The following TRIP12 variants were observed in gnomAD, a reference collection of about 807,000 sequenced individuals.
TRIP12 encodes the protein E3 ubiquitin-protein ligase TRIP12.
In TRIP12, 25 loss-of-function variants were observed where a neutral mutation model predicts 244.2. The observed-to-expected ratio is 0.10, with a 90% CI of 0.07 to 0.14. TRIP12 has a LOEUF of 0.14. TRIP12 is among the 10% of genes least tolerant of loss of function. TRIP12 has a pLI of 1.00. For missense variants in TRIP12, 1,677 were observed against 2,486.4 expected, an observed-to-expected ratio of 0.67 and a Z score of 6.92; for synonymous variants, 905 against 873.1, an observed-to-expected ratio of 1.04 and a Z score of -0.64.
chr2:229,919,000 G>C (rs1209129331), intron 1 of TRIP12, among the ~76,000 whole-genome samples: 1 of 152,152 alleles, frequency 6.6e-6, no homozygotes, highest in Non-Finnish European at 1.5e-5. Context: ...AGGTCACAAA[G>C]CTACTAACTG....
intron 7 of TRIP12, among the ~76,000 whole-genome samples, chr2:229,829,874 G>A (rs1018323895): frequency 6.6e-6 from 1 of 152,126 alleles, no homozygotes; most frequent in Non-Finnish European, 1.5e-5. Flanking sequence ...ATTTGAACAC[G>A]GGAGGTGGAG....
At chr2:229,811,371 A>G (rs1198409573) in intron 13 of TRIP12, among the ~76,000 whole-genome samples, 167 bp from the exon 14 acceptor site, 1 of 152,062 alleles carries the variant, frequency 6.6e-6, no homozygotes, top group Non-Finnish European at 1.5e-5. Flanking sequence ...AGTCAGTAAC[A>G]TCACAATTTC....
Position 229,778,658 on chromosome 2 carries a change from A to T in TRIP12, c.5210-71T>A. 6.4e-7 allele frequency: 1 copy of T among 1,560,956 alleles called. No homozygotes were observed. Among genetic ancestry groups the T allele is most frequent in the Non-Finnish European group, 8.7e-7 (1 of 1,154,750 alleles). ...ACAAAACAAAACCTGGTAACTAAGA[A>T]CATTTAAGAAATTAAGCATTCTCAA... is the stretch of plus-strand genomic sequence containing the variant. On this transcript the variant is annotated intron_variant, in intron 35 of 41. Coordinates refer to ENST00000675903, the MANE Select transcript of TRIP12 (RefSeq NM_001348323.3). The surrounding 1 kb of genome is among the most constrained non-coding windows in gnomAD (Gnocchi z 4.1).
chr2:229,804,190 T>C lies in TRIP12; in HGVS notation c.2688A>G (p.Ala896=). The C allele has an allele frequency of 6.2e-7, 1 of 1,613,982 alleles. No homozygotes were observed. Among genetic ancestry groups the C allele is most frequent in the Non-Finnish European group, 8.5e-7 (1 of 1,179,948 alleles). ...GTTCCGGATCCTCTTTCATAAGCTG[T>C]GCTCGAGCATCATCCTTCTTTGACT... ...YSESKKDDAR[A]QLMKEDPELA... is the part of the protein sequence containing the mutation. The change falls in exon 19 of 42, where the codon GCA becomes GCG. Residue 896 remains alanine, a synonymous_variant. Coordinates refer to ENST00000675903, the MANE Select transcript of TRIP12 (RefSeq NM_001348323.3).
intron 13 of TRIP12, among the ~76,000 whole-genome samples, chr2:229,811,867 G>C (rs1318873457): frequency 1.3e-5 from 2 of 152,084 alleles, no homozygotes; most frequent in South Asian, 4.1e-4. Context: ...AATTAGACTT[G>C]TTTCTACAAA....
Position 229,792,180 on chromosome 2 carries a change from T to C in TRIP12, c.4188A>G (p.Gly1396=). The change falls in exon 28 of 42, where the codon GGA becomes GGG. Residue 1396 remains glycine, a synonymous_variant. Coordinates refer to ENST00000675903, the MANE Select transcript of TRIP12 (RefSeq NM_001348323.3). ...GAGACTCATCTATTTCCTCATCTGA[T>C]CCATCGTCATCGCTGTCTTCATCAT... ...REDDEDSDDD[G]SDEEIDESLA... The C allele has an allele frequency of 6.2e-7, 1 of 1,614,044 alleles. No individual in the cohort carries two copies. The highest frequency in any genetic ancestry group is 8.5e-7 in the Non-Finnish European group (1 of 1,179,948).
At chr2:229,842,832 C>CT (rs1239003734) in intron 4 of TRIP12, among the ~76,000 whole-genome samples, 3 of 152,114 alleles carry the variant, frequency 2.0e-5, no homozygotes, top group African/African-American at 7.2e-5. Flanking sequence ...TTATTTTACT[C>CT]TTTCACTATT....
Position 229,778,496 on chromosome 2 carries a change from C to T in TRIP12, c.5301G>A (p.Lys1767=). The stretch of plus-strand genomic sequence containing the variant: ...CTAAGAAGCGAAACTTCATCTTAAC[C>T]TTTGCGATATGAGCTGGCTTTGCTG... ...GRTAKPAHIA[K]VKMKFRFLGK... The change falls in exon 36 of 42, where the codon AAG becomes AAA. Residue 1767 remains lysine (K), a synonymous_variant. Transcript: ENST00000675903. The surrounding 1 kb of genome is among the most constrained non-coding windows in gnomAD (Gnocchi z 4.1). 1 of 1,614,030 alleles carries T rather than the reference C, an allele frequency of 6.2e-7. No homozygotes were observed.
chr2:229,821,257 C>T (rs970780746), intron 8 of TRIP12, among the ~76,000 whole-genome samples: 2 of 152,172 alleles, frequency 1.3e-5, no homozygotes, highest in African/African-American at 4.8e-5. Context: ...ACAGCTTTTG[C>T]ACCATCAGTT....
chr2:229,907,155 C>A (rs1247057075), intron 1 of TRIP12, among the ~76,000 whole-genome samples: 1 of 152,104 alleles, frequency 6.6e-6, no homozygotes, highest in Non-Finnish European at 1.5e-5. Flanking sequence ...TACATTGCCA[C>A]CAACTGTGAA....
At chr2:229,842,501 G>A (rs1472927030) in intron 4 of TRIP12, among the ~76,000 whole-genome samples, 2 of 152,086 alleles carry the variant, frequency 1.3e-5, no homozygotes, top group Non-Finnish European at 2.9e-5. Context: ...TATTGGATTT[G>A]TGTGACTAAG....
At chr2:229,888,284 T>C (rs1028966694) in intron 1 of TRIP12, among the ~76,000 whole-genome samples, 11 of 152,142 alleles carry the variant, frequency 7.2e-5, no homozygotes, top group African/African-American at 2.4e-4. Flanking sequence ...TTGAGAATTA[T>C]GTAGGCAACT....
At chr2:229,905,879 G>C (rs1383651804) in intron 1 of TRIP12, among the ~76,000 whole-genome samples, 1 of 152,158 alleles carries the variant, frequency 6.6e-6, no homozygotes, top group Non-Finnish European at 1.5e-5. Context: ...GCCAATGAGG[G>C]CCTTAAGGCT....
rs2031102968 is a variant in TRIP12, at chr2:229,764,063, A to G, written c.*3491T>C. The G allele has an allele frequency of 6.6e-6, 1 of 152,256 alleles. No homozygotes were observed. The highest frequency in any genetic ancestry group is 2.1e-4 in the South Asian group (1 of 4,834). 9.4% of individuals were successfully genotyped at this position (152,256 alleles called of 1,614,324 possible). On this transcript the variant is annotated 3_prime_UTR_variant, in exon 42 of 42. Coordinates refer to ENST00000675903, the MANE Select transcript of TRIP12 (RefSeq NM_001348323.3). ...TAAAAATAAAACCACCTCTTCCATT[A>G]TTAAAGAATGTCTCCTTCATGCAGA... is the stretch of plus-strand genomic sequence containing the variant.
chr2:229,847,821 T>C (rs1021082938), intron 4 of TRIP12, among the ~76,000 whole-genome samples: 2 of 152,098 alleles, frequency 1.3e-5, no homozygotes, highest in African/African-American at 4.8e-5. Flanking sequence ...CCTCTCCTGG[T>C]TCCAGCAAAA....
chr2:229,777,211 TA>T, intron 37 of TRIP12, 103 bp downstream of exon 37: 4 of 1,294,056 alleles, frequency 3.1e-6, no homozygotes, highest in Non-Finnish European at 4.2e-6. Flanking sequence ...TCTTCTAAAA[TA>T]AAACATTAAT....
chr2:229,906,471 CAGCACTTTA>C, intron 1 of TRIP12, among the ~76,000 whole-genome samples: 1 of 151,106 alleles, frequency 6.6e-6, no homozygotes, highest in African/African-American at 2.4e-5. Flanking sequence ...ACTGTAATCC[CAGCACTTTA>C]AGAGGCCGAG....
chr2:229,869,960 C>T (rs2062242280), intron 2 of TRIP12, among the ~76,000 whole-genome samples: 1 of 152,170 alleles, frequency 6.6e-6, no homozygotes, highest in Admixed American at 6.5e-5. Context: ...CCATCTTTGT[C>T]ACCAGAAAGA....
upstream of TRIP12, chr2:229,922,122 G>A (rs948051784): frequency 5.6e-5 from 10 of 178,130 alleles, no homozygotes; most frequent in Non-Finnish European, 8.4e-5. Flanking sequence ...CGCGGGACCG[G>A]CACCGCTGCC....
Sources: allele counts gnomAD v4.1 joint callset (sites outside exome capture counted in the v4.1 genomes callset), GRCh38; gene constraint gnomAD v4.1.1; non-coding constraint Gnocchi (gnomAD v3.1); transcripts MANE v1.5; gene names NCBI Gene and HGNC (gene_info 2026-07-23, HGNC 2026-07-21).